KCNH8: variants seen among roughly 807,000 people sequenced by gnomAD.
KCNH8 encodes the protein potassium voltage-gated channel subfamily H member 8.
In KCNH8, 70 loss-of-function variants were observed where a neutral mutation model predicts 103.6. The observed-to-expected ratio is 0.68, with a 90% confidence interval of 0.56 to 0.82. The LOEUF is 0.82. Among genes scored for constraint, KCNH8 ranks in the 40% least tolerant of loss-of-function variants. The probability of loss-of-function intolerance (pLI) is 0.00; values close to 1 mark genes in which losing one functional copy is unlikely to be tolerated. For missense variants in KCNH8, 1,217 were observed against 1,329.9 expected, an observed-to-expected ratio of 0.92 and a Z score of 1.32; for synonymous variants, 498 against 489.4, an observed-to-expected ratio of 1.02 and a Z score of -0.23.
At chr3:19,317,656 A>G (rs2065291030) in intron 3 of KCNH8, among the ~76,000 whole-genome samples, 1 of 151,860 alleles carries the variant, frequency 6.6e-6, no homozygotes, top group African/African-American at 2.4e-5. Context: ...GTCAATCATA[A>G]TCATAATAAA....
At chr3:19,323,290 A>C (rs560218596) in intron 3 of KCNH8, among the ~76,000 whole-genome samples, 1 of 152,110 alleles carries the variant, frequency 6.6e-6, no homozygotes, top group Admixed American at 6.5e-5. Context: ...TCTACTAAAA[A>C]TATAAAAAAT....
chr3:19,359,184 C>T (rs181511758), intron 5 of KCNH8, among the ~76,000 whole-genome samples: 2 of 151,704 alleles, frequency 1.3e-5, no homozygotes, highest in African/African-American at 4.8e-5. Flanking sequence ...GAAAAAAGAT[C>T]TGTTATGTAA....
chr3:19,261,527 T>C (rs2064435864), intron 2 of KCNH8, among the ~76,000 whole-genome samples: 1 of 151,962 alleles, frequency 6.6e-6, no homozygotes. Flanking sequence ...TGAAATTTTT[T>C]TTCTCAATTT....
chr3:19,322,287 A>G (rs2065360220), intron 3 of KCNH8, among the ~76,000 whole-genome samples: 1 of 151,874 alleles, frequency 6.6e-6, no homozygotes. Flanking sequence ...AGGTCCTGTG[A>G]GATTTATGCT....
rs756990318 is a variant in KCNH8 at position 19,164,257 on chromosome 3, C to T, written c.76+15462C>T. Among the ~76,000 whole-genome samples, 60 of 152,104 alleles carry T rather than the reference C, an allele frequency of 3.9e-4. 1 individual carries two copies. Among genetic ancestry groups the T allele is most frequent in the Admixed American group, 3.3e-4 (5 of 15,272 alleles). On this transcript the variant is annotated intron_variant, in intron 1 of 15. Coordinates refer to ENST00000328405, the MANE Select transcript of KCNH8 (RefSeq NM_144633.3). ...CCCTAAAGAGGCTAAGTATTTTTGT[C>T]TCAAAGCTAGAACAGGAGAAGGCTT...
At chr3:19,351,365 A>G (rs905775424) in intron 5 of KCNH8, among the ~76,000 whole-genome samples, 1 of 152,116 alleles carries the variant, frequency 6.6e-6, no homozygotes, top group African/African-American at 2.4e-5. Context: ...CCAACATTCA[A>G]ATTCAGGAAA....
intron 1 of KCNH8, among the ~76,000 whole-genome samples, chr3:19,246,270 T>C (rs1489494739): frequency 6.9e-6 from 1 of 144,114 alleles, no homozygotes. Context: ...TTTTTGTTGT[T>C]GTTGTTTTTT....
intron 11 of KCNH8, among the ~76,000 whole-genome samples, chr3:19,508,866 A>G (rs2068738595): frequency 1.3e-5 from 2 of 152,234 alleles, no homozygotes; most frequent in East Asian, 3.8e-4. Flanking sequence ...GTGGTAAACC[A>G]CACAACTAGA....
chr3:19,232,060 G>A (rs188550405), intron 1 of KCNH8, among the ~76,000 whole-genome samples: 1 of 152,282 alleles, frequency 6.6e-6, no homozygotes, highest in Admixed American at 6.5e-5. Flanking sequence ...TGAAATGTTT[G>A]CTGCTGTATC....
At chr3:19,333,477 GACA>G (rs1001246630) in intron 3 of KCNH8, among the ~76,000 whole-genome samples, 1 of 152,078 alleles carries the variant, frequency 6.6e-6, no homozygotes, top group African/African-American at 2.4e-5. Flanking sequence ...AATTTCTGCA[GACA>G]ACACTTCCCC....
intron 1 of KCNH8, among the ~76,000 whole-genome samples, chr3:19,234,705 G>A (rs914842134): frequency 6.6e-6 from 1 of 152,270 alleles, no homozygotes; most frequent in Non-Finnish European, 1.5e-5. Context: ...TGCAGCGGCG[G>A]GCTGAAGGGC....
chr3:19,265,481 C>T (rs967422639), intron 2 of KCNH8, among the ~76,000 whole-genome samples: 4 of 152,024 alleles, frequency 2.6e-5, no homozygotes, highest in African/African-American at 9.7e-5. Context: ...AATATTCTTT[C>T]CACCCCTGAT....
At chr3:19,388,500 G>A (rs2066390368) in intron 5 of KCNH8, among the ~76,000 whole-genome samples, 1 of 151,994 alleles carries the variant, frequency 6.6e-6, no homozygotes, top group Non-Finnish European at 1.5e-5. Context: ...TGCCACGATA[G>A]CATTTTAACT....
In KCNH8 at chr3:19,466,001, C is replaced by G. The variant is rs548776900; in HGVS notation, c.2040+9019C>G. 5.0e-4 allele frequency among the ~76,000 whole-genome samples: 76 copies of G among 152,202 alleles called. No homozygotes were observed. The South Asian group carries it at 0.016, about 31-fold the overall frequency. On this transcript the variant is annotated intron_variant, in intron 11 of 15. Coordinates refer to ENST00000328405, the MANE Select transcript of KCNH8 (RefSeq NM_144633.3). ...ACAGGCTGGAGTGCGGTGGCATGATCACAGCTCATTGGAGCCTTGACCTCC... is the reference window on the plus strand; with the variant it reads ...ACAGGCTGGAGTGCGGTGGCATGATGACAGCTCATTGGAGCCTTGACCTCC...
At chr3:19,265,582 T>A (rs1173807438) in intron 2 of KCNH8, among the ~76,000 whole-genome samples, 1 of 152,008 alleles carries the variant, frequency 6.6e-6, no homozygotes, top group East Asian at 2.0e-4. Context: ...ATCTAATGCT[T>A]GGCCCTGGAC....
chr3:19,233,244 GAA>G (rs2064018493), intron 1 of KCNH8, among the ~76,000 whole-genome samples: 1 of 152,090 alleles, frequency 6.6e-6, no homozygotes, highest in African/African-American at 2.4e-5. Flanking sequence ...TTTAATCAGT[GAA>G]AAGTTTGTAG....
chr3:19,436,516 T>C (rs2067202103), intron 7 of KCNH8, among the ~76,000 whole-genome samples: 1 of 152,240 alleles, frequency 6.6e-6, no homozygotes, highest in African/African-American at 2.4e-5. Context: ...GATTTGTGGA[T>C]GTTACCTCCT....
intron 3 of KCNH8, among the ~76,000 whole-genome samples, chr3:19,336,710 T>C (rs2125313472): frequency 6.6e-6 from 1 of 152,128 alleles, no homozygotes; most frequent in African/African-American, 2.4e-5. Context: ...TGCTATATAA[T>C]TTAGAACATA....
intron 3 of KCNH8, among the ~76,000 whole-genome samples, chr3:19,331,213 A>C (rs1230157309): frequency 6.6e-6 from 1 of 150,892 alleles, no homozygotes; most frequent in East Asian, 1.9e-4. Context: ...CTTTGAGAAG[A>C]TTTAGATTTT....
Sources: allele counts gnomAD v4.1 joint callset (sites outside exome capture counted in the v4.1 genomes callset), GRCh38; gene constraint gnomAD v4.1.1; transcripts MANE v1.5; gene names NCBI Gene and HGNC (gene_info 2026-07-23, HGNC 2026-07-21).